Variants in ANKDD1B observed in about 807,000 individuals in gnomAD.
ANKDD1B encodes ankyrin repeat and death domain-containing protein 1B.
A neutral mutation model predicts 59.7 loss-of-function variants in ANKDD1B; 57 were observed. The observed-to-expected ratio is 0.95, with a 90% CI of 0.77 to 1.19. The LOEUF is 1.19. ANKDD1B is among the 50% of genes most tolerant of loss of function. ANKDD1B has a pLI of 0.00. For missense variants in ANKDD1B, 602 were observed against 641.9 expected, an observed-to-expected ratio of 0.94 and a Z score of 0.67; for synonymous variants, 216 against 239.5, an observed-to-expected ratio of 0.90 and a Z score of 0.91.
At chr5:75,661,082 T>TG (rs1194973029) in intron 10 of ANKDD1B, among the ~76,000 whole-genome samples, 2 of 151,534 alleles carry the variant, frequency 1.3e-5, no homozygotes, top group South Asian at 4.2e-4. Context: ...TTTTTTGTTT[T>TG]TTTTTTTCTG....
chr5:75,616,374 AG>A (rs1773716306), intron 1 of ANKDD1B, among the ~76,000 whole-genome samples: 1 of 152,210 alleles, frequency 6.6e-6, no homozygotes, highest in East Asian at 1.9e-4. Flanking sequence ...ATCTTCATGC[AG>A]GCCTGGCCTC....
chr5:75,668,587 C>G (rs1424576696), intron 12 of ANKDD1B, among the ~76,000 whole-genome samples: 1 of 152,224 alleles, frequency 6.6e-6, no homozygotes, highest in Non-Finnish European at 1.5e-5. Context: ...TCTGCTCCTG[C>G]ACACTCTCTC....
rs137862037 is a variant in ANKDD1B at position 75,623,710 on chromosome 5, G to A, written c.397-1937G>A. Among the ~76,000 whole-genome samples, 300 of 152,240 alleles carry A rather than the reference G, an allele frequency of 2.0e-3. 2 individuals carry two copies. The highest frequency in any genetic ancestry group is 6.3e-3 in the African/African-American group (261 of 41,526). ...TGTCGTTGGGGCTGCCCTGTGTATT[G>A]TAGGATGTTTAGCAGTGTCCCTGGC... is the stretch of plus-strand genomic sequence containing the variant. On this transcript the variant is annotated intron_variant, in intron 3 of 13. Transcript: ENST00000601380.
At chr5:75,635,761 C>T (rs764814542) in intron 6 of ANKDD1B, 23 bp from the exon 7 acceptor site, 19 of 1,470,682 alleles carry the variant, frequency 1.3e-5, no homozygotes, top group Admixed American at 2.0e-5. Context: ...GGGGTTTCTA[C>T]GTCGAGTGTG....
At chr5:75,661,329 G>A (rs368216395) in intron 10 of ANKDD1B, among the ~76,000 whole-genome samples, 25 of 148,648 alleles carry the variant, frequency 1.7e-4, no homozygotes, top group African/African-American at 5.7e-4. Context: ...ACCGGAAGGC[G>A]GAGGTTGCAG....
chr5:75,654,886 G>A (rs1774927357), intron 8 of ANKDD1B, among the ~76,000 whole-genome samples: 1 of 152,118 alleles, frequency 6.6e-6, no homozygotes, highest in Admixed American at 6.5e-5. Flanking sequence ...GATCTGCACA[G>A]TGTCACTGGA....
At chr5:75,664,830 G>GT (rs1395168589) in intron 11 of ANKDD1B, among the ~76,000 whole-genome samples, 1 of 152,170 alleles carries the variant, frequency 6.6e-6, no homozygotes, top group African/African-American at 2.4e-5. Context: ...CCCAGAAATG[G>GT]TAAGAGTTGT....
chr5:75,633,264 C>A (rs941206286), intron 5 of ANKDD1B, among the ~76,000 whole-genome samples: 1 of 152,116 alleles, frequency 6.6e-6, no homozygotes, highest in Non-Finnish European at 1.5e-5. Context: ...ATGTAGATCT[C>A]ATTGGTGACA....
chr5:75,649,841 T>G (rs1774780045), intron 7 of ANKDD1B, among the ~76,000 whole-genome samples: 1 of 152,262 alleles, frequency 6.6e-6, no homozygotes, highest in Non-Finnish European at 1.5e-5. Context: ...TCCACTGATC[T>G]GCTGATCTAC....
intron 7 of ANKDD1B, among the ~76,000 whole-genome samples, chr5:75,637,985 T>C (rs926867540): frequency 5.3e-5 from 8 of 152,234 alleles, no homozygotes; most frequent in African/African-American, 1.9e-4. Flanking sequence ...TATACCCACC[T>C]GGTTGACTGA....
chr5:75,654,939 T>C (rs1579969147), intron 8 of ANKDD1B, among the ~76,000 whole-genome samples: 1 of 152,122 alleles, frequency 6.6e-6, no homozygotes, highest in East Asian at 1.9e-4. Context: ...CTTCCCCTGG[T>C]GCCCCGCCTC....
At chr5:75,667,889 T>C (rs1425234693) in intron 12 of ANKDD1B, among the ~76,000 whole-genome samples, 1 of 152,226 alleles carries the variant, frequency 6.6e-6, no homozygotes, top group East Asian at 1.9e-4. Flanking sequence ...TTATACCACA[T>C]ACAAGTAAAT....
intron 5 of ANKDD1B, among the ~76,000 whole-genome samples, chr5:75,627,785 G>A (rs1376731967): frequency 6.6e-6 from 1 of 152,220 alleles, no homozygotes; most frequent in African/African-American, 2.4e-5. Flanking sequence ...TGTGTGGGAA[G>A]GATCAGGCAG....
intron 7 of ANKDD1B, among the ~76,000 whole-genome samples, chr5:75,646,836 C>T (rs1322477482): frequency 2.7e-5 from 3 of 111,620 alleles, no homozygotes; most frequent in Non-Finnish European, 3.2e-5. Flanking sequence ...CATCACACTA[C>T]CTGACTTCAA....
At position 75,653,128 on chromosome 5, in the gene ANKDD1B, A is replaced by G. The variant is rs541336143; in HGVS notation, c.799-14A>G. 6 of 1,523,884 alleles carry G rather than the reference A, an allele frequency of 3.9e-6. No homozygotes were observed. The highest frequency in any genetic ancestry group is 2.4e-5 in the East Asian group (1 of 40,842). The allele number at this position is 1,523,884 out of a possible 1,614,324, so 94.4% of individuals were successfully genotyped here. A position where few individuals can be genotyped will look rare whatever the true frequency, so the allele number is the denominator to read the frequency against. ...ATGAGAGTTCCTCCTTGCCCTCTCT[A>G]TTGTCTCTTGCAGCTCAATATCAGT... is the stretch of plus-strand genomic sequence containing the variant. On this transcript the variant is annotated splice_polypyrimidine_tract_variant and intron_variant, in intron 7 of 13. Transcript: ENST00000601380.
intron 10 of ANKDD1B, among the ~76,000 whole-genome samples, chr5:75,661,294 G>T (rs1002214328): frequency 1.3e-5 from 2 of 151,010 alleles, no homozygotes; most frequent in African/African-American, 4.9e-5. Context: ...CTACAGCGGG[G>T]GCTGAGGCAG....
In ANKDD1B at chr5:75,655,962, G is replaced by A. The variant is rs973494109; in HGVS notation, c.898-67G>A. On this transcript the variant is annotated intron_variant, in intron 8 of 13. Transcript: ENST00000601380. ...CATCAGGAAATAGCTGCTGAAATGA[G>A]TTGCTTTTTGATTTGAATGTTGAAG... 3 of 723,800 alleles carry A rather than the reference G, an allele frequency of 4.1e-6. No homozygotes were observed. In the South Asian group the frequency reaches 5.0e-5, roughly 12 times the overall value. 44.8% of individuals were successfully genotyped at this position (723,800 alleles called of 1,614,324 possible). A position where few individuals can be genotyped will look rare whatever the true frequency, so the allele number is the denominator to read the frequency against.
intron 10 of ANKDD1B, 24 bp from the exon 11 acceptor site, chr5:75,663,370 A>G: frequency 6.6e-7 from 1 of 1,519,952 alleles, no homozygotes; most frequent in Non-Finnish European, 8.8e-7. Flanking sequence ...TATCACCTGA[A>G]TTTTTTTTCT....
At chr5:75,652,287 C>T (rs985271241) in intron 7 of ANKDD1B, among the ~76,000 whole-genome samples, 2 of 152,110 alleles carry the variant, frequency 1.3e-5, no homozygotes, top group Non-Finnish European at 2.9e-5. Flanking sequence ...TTGGGAGGGA[C>T]GCAAACATTC....
Sources: allele counts gnomAD v4.1 joint callset (sites outside exome capture counted in the v4.1 genomes callset), GRCh38; gene constraint gnomAD v4.1.1; transcripts MANE v1.5; gene names NCBI Gene and HGNC (gene_info 2026-07-23, HGNC 2026-07-21).